The following ASB3 variants were observed in gnomAD, a reference collection of about 807,000 sequenced individuals.
ASB3 encodes ankyrin repeat and SOCS box protein 3.
In ASB3, 41 loss-of-function variants were observed where a neutral mutation model predicts 54.5. The ratio of observed to expected loss-of-function variants is 0.75; its 90% CI spans 0.59 to 0.98. ASB3 has a LOEUF of 0.98. Among genes scored for constraint, ASB3 ranks in the 50% least tolerant of loss-of-function variants. The pLI, the probability that ASB3 is intolerant of heterozygous loss-of-function variation, is 0.00. For synonymous variants in ASB3, 266 were observed against 221.2 expected, an observed-to-expected ratio of 1.20 and a Z score of -1.80; for missense variants, 733 against 620.0, an observed-to-expected ratio of 1.18 and a Z score of -1.94.
chr2:53,697,319 CT>C (rs1204330406), intron 8 of ASB3, among the ~76,000 whole-genome samples: 1 of 152,200 alleles, frequency 6.6e-6, no homozygotes, highest in Non-Finnish European at 1.5e-5. Context: ...TAATTCACCC[CT>C]TGTTTAGCAT....
intron 1 of ASB3, among the ~76,000 whole-genome samples, chr2:53,783,397 G>T (rs2104230245): frequency 6.6e-6 from 1 of 151,658 alleles, no homozygotes; most frequent in Admixed American, 6.5e-5. Flanking sequence ...CTATCTAAAT[G>T]TATTTGGAAG....
intron 7 of ASB3, among the ~76,000 whole-genome samples, chr2:53,705,437 A>C (rs1393371565): frequency 6.6e-6 from 1 of 152,210 alleles, no homozygotes; most frequent in African/African-American, 2.4e-5. Flanking sequence ...TCTGTGACCA[A>C]GGACTACTGT....
chr2:53,740,577 G>A (rs1332024968), intron 3 of ASB3, among the ~76,000 whole-genome samples: 1 of 152,116 alleles, frequency 6.6e-6, no homozygotes, highest in Non-Finnish European at 1.5e-5. Flanking sequence ...ATACTAAAAA[G>A]TTATATTTCT....
At chr2:53,771,438 G>A (rs746695960) in intron 1 of ASB3, among the ~76,000 whole-genome samples, 11 of 152,122 alleles carry the variant, frequency 7.2e-5, no homozygotes, top group Non-Finnish European at 1.2e-4. Context: ...GCTTGAGCCC[G>A]AGAGTTGGAG....
intron 7 of ASB3, among the ~76,000 whole-genome samples, chr2:53,703,318 T>C (rs1669593130): frequency 6.6e-6 from 1 of 152,224 alleles, no homozygotes; most frequent in African/African-American, 2.4e-5. Flanking sequence ...GCAGGATCTA[T>C]ACAGTAGTGG....
rs528079842 is a variant in ASB3, at chr2:53,719,541, C to T, written c.605-2798G>A. Among the ~76,000 whole-genome samples the T allele has an allele frequency of 7.2e-5, 11 of 152,152 alleles. No homozygotes were observed. In the East Asian group the frequency reaches 7.8e-4, roughly 11 times the overall value. Reference sequence around the variant, plus strand: ...GCTCTGGCTGGGAAGATGCCAGCCCCGAGATAACTCCCTTCCTTCTAGAAA... The same window carrying T: ...GCTCTGGCTGGGAAGATGCCAGCCCTGAGATAACTCCCTTCCTTCTAGAAA... On this transcript the variant is annotated intron_variant, in intron 5 of 9. Coordinates refer to ENST00000263634, the MANE Select transcript of ASB3 (RefSeq NM_016115.5).
intron 9 of ASB3, among the ~76,000 whole-genome samples, chr2:53,690,832 T>C (rs530433395): frequency 6.6e-6 from 1 of 152,272 alleles, no homozygotes; most frequent in Non-Finnish European, 1.5e-5. Flanking sequence ...AATAAAAAGA[T>C]CAAGAGAGTT....
intron 2 of ASB3, among the ~76,000 whole-genome samples, chr2:53,753,920 C>T (rs1672671534): frequency 6.6e-6 from 1 of 151,958 alleles, no homozygotes; most frequent in Admixed American, 6.5e-5. Context: ...AGATTACAGG[C>T]GTGAGCCACC....
At chr2:53,737,478 G>A (rs1014042450) in intron 3 of ASB3, among the ~76,000 whole-genome samples, 17 of 152,240 alleles carry the variant, frequency 1.1e-4, no homozygotes, top group East Asian at 3.9e-4. Flanking sequence ...TGGTTCAAGC[G>A]TAGGTTGCAC....
At chr2:53,747,088 C>A (rs1244956381) in intron 3 of ASB3, among the ~76,000 whole-genome samples, 6 of 152,110 alleles carry the variant, frequency 3.9e-5, no homozygotes, top group Non-Finnish European at 8.8e-5. Context: ...CTCTAATTTT[C>A]TCCAAATACT....
chr2:53,716,689 G>A lies in ASB3; in HGVS notation c.659C>T (p.Ala220Val), dbSNP rs1392786552. 1.2e-6 allele frequency: 2 copies of A among 1,613,978 alleles called. No individual in the cohort carries two copies. The highest frequency in any genetic ancestry group is 2.7e-5 in the African/African-American group (2 of 74,898). The change falls in exon 6 of 10, where the codon GCT (alanine) becomes GTT (valine). Residue 220 changes from alanine to valine, a missense_variant. Ala to Val is a moderately conservative substitution (Grantham distance 64). Transcript: ENST00000263634. The stretch of plus-strand genomic sequence containing the variant: ...CACACATTTTGTGTGTCCCTCTTGA[G>A]CAGCAATGAACAAGGGTGTAGCTTT... ...LDKATPLFIAAQEGHTKCVEL... is the reference protein window; with the variant it reads ...LDKATPLFIAVQEGHTKCVEL...
At chr2:53,734,129 T>C (rs1671482212) in intron 3 of ASB3, among the ~76,000 whole-genome samples, 1 of 152,228 alleles carries the variant, frequency 6.6e-6, no homozygotes. Flanking sequence ...GTGGGCGTTA[T>C]GGCCATCACA....
intron 7 of ASB3, among the ~76,000 whole-genome samples, chr2:53,706,802 G>A (rs1669798723): frequency 1.3e-5 from 2 of 152,102 alleles, no homozygotes; most frequent in Admixed American, 1.3e-4. Context: ...TGATTCTTAT[G>A]CCCAATACTA....
chr2:53,702,575 T>G (rs1669549990), intron 7 of ASB3, among the ~76,000 whole-genome samples: 1 of 152,184 alleles, frequency 6.6e-6, no homozygotes, highest in Non-Finnish European at 1.5e-5. Context: ...TTGTTTAACA[T>G]AAATATCAAG....
chr2:53,705,881 C>T (rs1331893225), intron 7 of ASB3, among the ~76,000 whole-genome samples: 1 of 152,052 alleles, frequency 6.6e-6, no homozygotes, highest in Non-Finnish European at 1.5e-5. Flanking sequence ...CAGAGAGGGA[C>T]AGTATGAAAA....
intron 1 of ASB3, among the ~76,000 whole-genome samples, chr2:53,766,169 T>C (rs1041744188): frequency 2.0e-5 from 3 of 152,176 alleles, no homozygotes; most frequent in African/African-American, 7.2e-5. Flanking sequence ...CTTGACCAAA[T>C]AGACCCACTG....
At chr2:53,775,180 C>T (rs1030259785) in intron 1 of ASB3, 6 of 152,458 alleles carry the variant, frequency 3.9e-5, no homozygotes, top group African/African-American at 1.4e-4. Context: ...TTACATTATA[C>T]AAATCATGAT....
In ASB3 at chr2:53,728,804, T is replaced by A. The variant is rs776911667; in HGVS notation, c.512A>T (p.Asn171Ile). The A allele has an allele frequency of 2.5e-6, 4 of 1,612,470 alleles. No individual in the cohort carries two copies. The highest frequency in any genetic ancestry group is 3.4e-6 in the Non-Finnish European group (4 of 1,179,102). ...TCCAAAGTCATCCTGGCATTCCTTG[T>A]TTGCTCCTTTTCTAAGAAGCAATTT... ...IIKLLLRKGA[N>I]KECQDDFGIT... is the part of the protein sequence containing the mutation. Residue 171 changes from asparagine (N) to isoleucine (I), a missense_variant, in exon 5 of 10, where the codon AAC becomes ATC. Asn to Ile is a moderately radical substitution (Grantham distance 149, BLOSUM62 -3). Coordinates refer to ENST00000263634, the MANE Select transcript of ASB3 (RefSeq NM_016115.5).
chr2:53,673,101 C>CA (rs139937093), intron 9 of ASB3, among the ~76,000 whole-genome samples: 16,796 of 152,180 alleles, frequency 0.11, 1,276 homozygotes, highest in Non-Finnish European at 0.16. Flanking sequence ...AAACACAGAG[C>CA]ATGCCAATGG....
Sources: gnomAD v4.1 joint callset for allele counts (sites outside exome capture counted in the v4.1 genomes callset) on GRCh38, gnomAD v4.1.1 for gene constraint, MANE v1.5 for transcripts, NCBI Gene and HGNC (gene_info 2026-07-23, HGNC 2026-07-21) for gene names.